NPFFR2: variants seen among roughly 807,000 people sequenced by gnomAD.
NPFFR2 encodes the protein G-protein coupled receptor 74.
A neutral mutation model predicts 13.1 loss-of-function variants in NPFFR2; 15 were observed. The ratio of observed to expected loss-of-function variants is 1.15; its 90% CI spans 0.77 to 1.76. The LOEUF (loss-of-function observed/expected upper bound fraction) is 1.76. NPFFR2 is among the 40% of genes most tolerant of loss of function. The probability of loss-of-function intolerance (pLI) is 0.00; values close to 1 mark genes in which losing one functional copy is unlikely to be tolerated. For missense variants in NPFFR2, 572 were observed against 503.5 expected (o/e 1.14, Z -1.30); for synonymous variants, 190 against 175.7 (o/e 1.08, Z -0.65).
At chr4:72,078,204 T>G (rs4336190) in intron 1 of NPFFR2, among the ~76,000 whole-genome samples, 144,938 of 152,166 alleles carry the variant, frequency 0.95, 69,363 homozygotes, top group East Asian at 1. Flanking sequence ...TTGTTGAAAA[T>G]ATTGGATTAG....
At chr4:72,073,158 G>A (rs9998851) in intron 1 of NPFFR2, among the ~76,000 whole-genome samples, 136,609 of 151,856 alleles carry the variant, frequency 0.9, 62,403 homozygotes, top group Non-Finnish European at 0.98. Context: ...CAAGAACTGT[G>A]TAACTGATTT....
chr4:72,095,649 G>C (rs1306122172), intron 1 of NPFFR2, among the ~76,000 whole-genome samples: 2 of 152,114 alleles, frequency 1.3e-5, no homozygotes, highest in East Asian at 1.9e-4. Context: ...TGGCTGGTGG[G>C]GAGAGGCACT....
At chr4:72,088,487 A>G (rs1020282294) in intron 1 of NPFFR2, among the ~76,000 whole-genome samples, 4 of 152,134 alleles carry the variant, frequency 2.6e-5, no homozygotes, top group Admixed American at 6.6e-5. Flanking sequence ...TAGAGAGACT[A>G]TATGAAGGCA....
At chr4:72,061,776 C>T (rs1578429836) in intron 1 of NPFFR2, among the ~76,000 whole-genome samples, 1 of 151,840 alleles carries the variant, frequency 6.6e-6, no homozygotes, top group Non-Finnish European at 1.5e-5. Flanking sequence ...CACACTGGGG[C>T]CTGTTGCGGG....
chr4:72,087,071 G>A (rs540396298), intron 1 of NPFFR2, among the ~76,000 whole-genome samples: 15 of 152,130 alleles, frequency 9.9e-5, no homozygotes, highest in African/African-American at 3.6e-4. Context: ...GACTCCACCA[G>A]AAATACCAAC....
chr4:72,089,447 G>C (rs1175269073), intron 1 of NPFFR2, among the ~76,000 whole-genome samples: 1 of 152,144 alleles, frequency 6.6e-6, no homozygotes, highest in Non-Finnish European at 1.5e-5. Context: ...CACCAACAGT[G>C]TTAAAGTGTT....
intron 1 of NPFFR2, among the ~76,000 whole-genome samples, chr4:72,036,206 C>T (rs1454019783): frequency 6.6e-6 from 1 of 152,008 alleles, no homozygotes; most frequent in Non-Finnish European, 1.5e-5. Context: ...CCAAAGTAAA[C>T]ATGTTTACTA....
chr4:72,128,660 GCAT>G lies in NPFFR2; in HGVS notation c.74_76del (p.His25del), dbSNP rs1173784393. 6.2e-7 allele frequency: 1 copy of G among 1,613,552 alleles called. No homozygotes were observed. The highest frequency in any genetic ancestry group is 1.3e-5 in the African/African-American group (1 of 74,898). On this transcript the variant is annotated inframe_deletion, in exon 2 of 4. Transcript: ENST00000308744. ...CCATCTGGAATGTCAATGACACAAA[GCAT>G]CATCTGTACTCAGATATTAATATTA...
intron 2 of NPFFR2, among the ~76,000 whole-genome samples, chr4:72,136,046 CTG>C (rs1722400245): frequency 6.6e-6 from 1 of 152,104 alleles, no homozygotes; most frequent in Non-Finnish European, 1.5e-5. Flanking sequence ...TGTAGTCACT[CTG>C]TTGTGCTATC....
At chr4:72,089,687 T>C (rs28837737) in intron 1 of NPFFR2, among the ~76,000 whole-genome samples, 4,436 of 152,190 alleles carry the variant, frequency 0.029, 173 homozygotes, top group African/African-American at 0.09. Context: ...TCTTACTGAT[T>C]TGTTTGAGTT....
At chr4:72,094,763 A>T (rs1441675147) in intron 1 of NPFFR2, among the ~76,000 whole-genome samples, 1 of 152,092 alleles carries the variant, frequency 6.6e-6, no homozygotes, top group South Asian at 2.1e-4. Context: ...AAGAAAAGGG[A>T]CTCAGCTCCT....
chr4:72,060,078 C>A (rs1389572466), intron 1 of NPFFR2, among the ~76,000 whole-genome samples: 1 of 152,062 alleles, frequency 6.6e-6, no homozygotes, highest in Non-Finnish European at 1.5e-5. Context: ...TGTCTATGAA[C>A]TGGTTCAGGT....
At chr4:72,074,135 C>A (rs6836660) in intron 1 of NPFFR2, among the ~76,000 whole-genome samples, 136,583 of 151,824 alleles carry the variant, frequency 0.9, 62,383 homozygotes, top group Non-Finnish European at 0.98. Flanking sequence ...TTACTTGAAC[C>A]TAAGTACTGC....
At chr4:72,141,238 G>GT (rs1292793423) in intron 3 of NPFFR2, among the ~76,000 whole-genome samples, 2 of 151,522 alleles carry the variant, frequency 1.3e-5, no homozygotes, top group East Asian at 1.9e-4. Flanking sequence ...TTTTTTAAGG[G>GT]TTTTTTGTGT....
At chr4:72,098,850 A>T (rs1237884841) in intron 1 of NPFFR2, among the ~76,000 whole-genome samples, 1 of 152,152 alleles carries the variant, frequency 6.6e-6, no homozygotes, top group African/African-American at 2.4e-5. Flanking sequence ...TTTGAAATAG[A>T]CATGTGTCAC....
At position 72,128,614 on chromosome 4, in the gene NPFFR2, A is replaced by T. The variant is rs1380678521; in HGVS notation, c.23A>T (p.Asn8Ile). 5 of 1,609,956 alleles carry T rather than the reference A, an allele frequency of 3.1e-6. No homozygotes were observed. The highest frequency in any genetic ancestry group is 4.2e-6 in the Non-Finnish European group (5 of 1,176,928). ...ATCATGAATGAGAAATGGGACACAA[A>T]CTCTTCAGAAAACTGGCATCCCATC... MNEKWDT[N>I]SSENWHPIWN... The change falls in exon 2 of 4, where the codon AAC (asparagine) becomes ATC (isoleucine). Residue 8 changes from asparagine (N) to isoleucine (I), a missense_variant. Coordinates refer to ENST00000308744, the MANE Select transcript of NPFFR2 (RefSeq NM_004885.3).
intron 3 of NPFFR2, among the ~76,000 whole-genome samples, chr4:72,142,551 C>T (rs77061367): frequency 1.4e-4 from 22 of 152,178 alleles, no homozygotes; most frequent in South Asian, 6.2e-4. Context: ...TGTTCCTATC[C>T]GGCCATTTTG....
At chr4:72,116,479 T>C (rs1032456860) in intron 1 of NPFFR2, among the ~76,000 whole-genome samples, 1 of 151,900 alleles carries the variant, frequency 6.6e-6, no homozygotes, top group Non-Finnish European at 1.5e-5. Context: ...GCTCACTACC[T>C]GGGTGATGGG....
intron 1 of NPFFR2, among the ~76,000 whole-genome samples, chr4:72,033,025 A>C (rs1035056664): frequency 2.0e-5 from 3 of 152,190 alleles, no homozygotes; most frequent in African/African-American, 7.2e-5. Flanking sequence ...CCAAATATTC[A>C]AAGTTGTTTT....
Sources: allele counts gnomAD v4.1 joint callset (sites outside exome capture counted in the v4.1 genomes callset), GRCh38; gene constraint gnomAD v4.1.1; transcripts MANE v1.5; gene names NCBI Gene and HGNC (gene_info 2026-07-23, HGNC 2026-07-21).